TRABD: variants seen among roughly 807,000 people sequenced by gnomAD.
TRABD encodes TraB domain containing, also known as traB domain-containing protein.
Under a neutral mutation model 39.6 loss-of-function variants are expected in TRABD, and 23 were observed. The observed-to-expected ratio is 0.58, with a 90% CI of 0.42 to 0.82. The LOEUF (loss-of-function observed/expected upper bound fraction) is 0.82, where lower values mean the gene tolerates loss of function less well. Ranked by LOEUF, TRABD falls within the 40% of genes least tolerant of loss-of-function variation. The pLI, the probability that TRABD is intolerant of heterozygous loss-of-function variation, is 0.00. For synonymous variants in TRABD, 243 were observed against 232.1 expected, an observed-to-expected ratio of 1.05 and a Z score of -0.43; for missense variants, 487 against 544.9, an observed-to-expected ratio of 0.89 and a Z score of 1.06.
chr22:50,189,638 G>A (rs1263109288), intron 1 of TRABD, among the ~76,000 whole-genome samples: 1 of 152,252 alleles, frequency 6.6e-6, no homozygotes, highest in African/African-American at 2.4e-5. Context: ...CTCTGCTGAT[G>A]GGCCTGAGCG....
At position 50,195,028 on chromosome 22, in the gene TRABD, G is replaced by T; in HGVS notation, c.408G>T (p.Gln136His). The change falls in exon 5 of 10, where the codon CAG becomes CAT. Residue 136 changes from glutamine (Q) to histidine (H), a missense_variant. Around this residue, in one of 3 missense-constraint regions of TRABD, gnomAD observed 358 missense variants for 414.7 expected, o/e 0.86. Transcript: ENST00000380909. ...AGCTCAGCCTGGAGAAGCTGCAGCA[G>T]GCCGTGAGGCAGGTGCGCAGCCGCG... ...AQELSLEKLQ[Q>H]AVRQNGLMSG... The T allele has an allele frequency of 6.3e-7, 1 of 1,598,870 alleles. No homozygotes were observed.
rs1025429068 is a variant in TRABD, at chr22:50,198,763, C to T, written c.*244C>T. ...CTCCCACACTGCAGGGGCCGTTCCC[C>T]AGCTTCTGGACAAGACACCCAGCTC... On this transcript the variant is annotated 3_prime_UTR_variant, in exon 10 of 10. Transcript: ENST00000380909. This position sits in a 1 kb window ranked among gnomAD's most constrained non-coding sequence, Gnocchi z 7.9. The T allele has an allele frequency of 4.7e-5, 26 of 554,978 alleles. No individual in the cohort carries two copies. The highest frequency in any genetic ancestry group is 1.5e-4 in the African/African-American group (8 of 51,754). 34.4% of individuals were successfully genotyped at this position (554,978 alleles called of 1,614,324 possible).
intron 5 of TRABD, chr22:50,196,998 C>T (rs955014867): frequency 6.3e-5 from 33 of 524,842 alleles, no homozygotes; most frequent in Non-Finnish European, 9.5e-5. Flanking sequence ...GCACCCGGCC[C>T]GTGAAGGTCT....
At chr22:50,191,832 A>G (rs1276806222) in intron 1 of TRABD, 3 of 152,070 alleles carry the variant, frequency 2.0e-5, no homozygotes, top group East Asian at 3.9e-4. Flanking sequence ...GCTCACTGCA[A>G]CCTCAGCCTC....
At chr22:50,192,790 C>T (rs1476923174) in intron 1 of TRABD, among the ~76,000 whole-genome samples, 3 of 152,280 alleles carry the variant, frequency 2.0e-5, no homozygotes, top group African/African-American at 7.2e-5. Context: ...GGCCCGTCTG[C>T]GTTTGGTTTA....
chr22:50,193,139 C>A, intron 2 of TRABD, 46 bp downstream of exon 2: 1 of 1,510,892 alleles, frequency 6.6e-7, no homozygotes, highest in Non-Finnish European at 8.8e-7. Context: ...GGGCGGGGGG[C>A]TTCCCCGCTT....
intron 1 of TRABD, among the ~76,000 whole-genome samples, chr22:50,190,950 G>T (rs1275539100): frequency 1.3e-5 from 2 of 152,258 alleles, no homozygotes; most frequent in African/African-American, 4.8e-5. Flanking sequence ...GTTGGGTCCA[G>T]ACTCAAGCCC....
At chr22:50,197,024 A>G in intron 5 of TRABD, 1 of 562,754 alleles carries the variant, frequency 1.8e-6, no homozygotes, top group East Asian at 3.0e-5. Context: ...GAAGGGAGCT[A>G]CCTTTGAGAA....
chr22:50,195,349 G>A (rs1005682642), intron 5 of TRABD, among the ~76,000 whole-genome samples: 14 of 150,908 alleles, frequency 9.3e-5, no homozygotes, highest in East Asian at 3.9e-4. Context: ...TGGCCCCCCC[G>A]GTACCACACC....
At chr22:50,190,264 T>G (rs1449980826) in intron 1 of TRABD, among the ~76,000 whole-genome samples, 2 of 152,164 alleles carry the variant, frequency 1.3e-5, no homozygotes, top group East Asian at 3.8e-4. Context: ...CTGGTGGCGC[T>G]GACATCGTCC....
intron 1 of TRABD, among the ~76,000 whole-genome samples, chr22:50,187,100 C>T (rs2147080677): frequency 6.6e-6 from 1 of 152,196 alleles, no homozygotes; most frequent in Non-Finnish European, 1.5e-5. Context: ...GGTGGGGATG[C>T]TGGCCAGCCT....
chr22:50,193,069 G>T lies in TRABD; in HGVS notation c.9G>T (p.Gly3=), dbSNP rs779890610. The T allele has an allele frequency of 8.1e-5, 125 of 1,545,806 alleles. No homozygotes were observed. The highest frequency in any genetic ancestry group is 1.0e-4 in the Non-Finnish European group (120 of 1,147,134). The change falls in exon 2 of 10, where the codon GGG becomes GGT. Residue 3 remains glycine (G), a synonymous_variant. Transcript: ENST00000380909. The part of the protein sequence containing the change: MD[G]EEQQPPHEAN... ...GAAGCCGCCGCCCAGCCATGGACGG[G>T]GAGGAGCAGCAGCCACCGCACGAGG...
chr22:50,196,589 A>C (rs1210364299), intron 5 of TRABD, among the ~76,000 whole-genome samples: 1 of 152,240 alleles, frequency 6.6e-6, no homozygotes, highest in Non-Finnish European at 1.5e-5. Context: ...TGACCTCAGC[A>C]GGCAGGTGTG....
rs778900848 is a variant in TRABD at position 50,198,142 on chromosome 22, C to T, written c.912C>T (p.Ile304=). The T allele has an allele frequency of 3.3e-5, 54 of 1,612,520 alleles. No homozygotes were observed. Among genetic ancestry groups the T allele is most frequent in the Non-Finnish European group, 3.9e-5 (46 of 1,179,732 alleles). The change falls in exon 9 of 10, where the codon ATC becomes ATT. Residue 304 remains isoleucine (I), a synonymous_variant. Coordinates refer to ENST00000380909, the MANE Select transcript of TRABD (RefSeq NM_001320485.2). This position sits in a 1 kb window ranked among gnomAD's most constrained non-coding sequence, Gnocchi z 7.9. ...GVVGMGHVPG[I]EKNWSTDLNI... is the part of the protein sequence containing the mutation. Reference sequence around the variant, plus strand: ...TGGGCATGGGCCACGTGCCTGGCATCGAGAAGAACTGGAGCACCGACCTCA... The same window carrying T: ...TGGGCATGGGCCACGTGCCTGGCATTGAGAAGAACTGGAGCACCGACCTCA...
In TRABD at chr22:50,198,773, A is replaced by T. The variant is rs1005430724; in HGVS notation, c.*254A>T. 19 of 542,192 alleles carry T rather than the reference A, an allele frequency of 3.5e-5. No individual in the cohort carries two copies. Among genetic ancestry groups the T allele is most frequent in the African/African-American group, 3.3e-4 (17 of 51,578 alleles). 33.6% of individuals were successfully genotyped at this position (542,192 alleles called of 1,614,324 possible). ...GCAGGGGCCGTTCCCCAGCTTCTGG[A>T]CAAGACACCCAGCTCCGAGGGGGCA... On this transcript the variant is annotated 3_prime_UTR_variant, in exon 10 of 10. Coordinates refer to ENST00000380909, the MANE Select transcript of TRABD (RefSeq NM_001320485.2). This position sits in a 1 kb window ranked among gnomAD's most constrained non-coding sequence, Gnocchi z 7.9.
In TRABD at chr22:50,199,318, AAT is replaced by A. The variant is rs923442572; in HGVS notation, c.*800_*801del. 1.9e-4 allele frequency: 106 copies of A among 563,858 alleles called. No homozygotes were observed. The highest frequency in any genetic ancestry group is 1.4e-4 in the Non-Finnish European group (43 of 313,016). 34.9% of individuals were successfully genotyped at this position (563,858 alleles called of 1,614,324 possible). On this transcript the variant is annotated 3_prime_UTR_variant, in exon 10 of 10. Coordinates refer to ENST00000380909, the MANE Select transcript of TRABD (RefSeq NM_001320485.2). Reference sequence around the variant, plus strand: ...GCATCTTGGCCCTCTCTGGGCAGACAATGTGTGCACCTATGTGGAAGGCCAAG... The same window carrying A: ...GCATCTTGGCCCTCTCTGGGCAGACAGTGTGCACCTATGTGGAAGGCCAAG...
intron 7 of TRABD, 116 bp from the exon 8 acceptor site, chr22:50,197,707 T>C (rs1164811910): frequency 6.4e-7 from 1 of 1,569,140 alleles, no homozygotes; most frequent in Non-Finnish European, 8.7e-7. Flanking sequence ...GCCCTTTCCT[T>C]CCGCCACAAA....
intron 1 of TRABD, among the ~76,000 whole-genome samples, chr22:50,191,279 C>T (rs2063899755): frequency 6.6e-6 from 1 of 152,184 alleles, no homozygotes; most frequent in African/African-American, 2.4e-5. Context: ...CTGCTCAGAG[C>T]CGTCCCTGCT....
chr22:50,190,510 A>T (rs1173818491), intron 1 of TRABD: 1 of 152,074 alleles, frequency 6.6e-6, no homozygotes, highest in African/African-American at 2.4e-5. Flanking sequence ...CCCATGGGGG[A>T]AGGGCTGTGG....
Sources: allele counts gnomAD v4.1 joint callset (sites outside exome capture counted in the v4.1 genomes callset), GRCh38; gene constraint gnomAD v4.1.1; regional missense constraint gnomAD v4.1.1; non-coding constraint Gnocchi (gnomAD v3.1); transcripts MANE v1.5; gene names NCBI Gene and HGNC (gene_info 2026-07-23, HGNC 2026-07-21).